The following PAX5 variants were observed in gnomAD, a reference collection of about 807,000 sequenced individuals.
PAX5 encodes paired box protein Pax-5.
Under a neutral mutation model 43.7 loss-of-function variants are expected in PAX5, and 9 were observed. That is an observed-to-expected ratio of 0.21 (90% CI 0.12 to 0.36). The LOEUF (loss-of-function observed/expected upper bound fraction) is 0.36. Among genes scored for constraint, PAX5 ranks in the 10% least tolerant of loss-of-function variants. The pLI is 1.00. For missense variants in PAX5, 383 were observed against 532.7 expected (o/e 0.72, Z 2.77); for synonymous variants, 228 against 214.3 (o/e 1.06, Z -0.56).
Position 36,929,206 on chromosome 9 carries a change from TGGAA to T in PAX5, c.781-5726_781-5723del, listed in dbSNP as rs921538365. Among the ~76,000 whole-genome samples the T allele has an allele frequency of 8.4e-5, 10 of 119,224 alleles. No individual in the cohort carries two copies. The South Asian group carries it at 1.3e-3, about 15-fold the overall frequency. 78.2% of individuals were successfully genotyped at this position (119,224 alleles called of 152,430 possible). A position where few individuals can be genotyped will look rare whatever the true frequency, so the allele number is the denominator to read the frequency against. ...AGGTGAACTGACAGAAAAAGAAAGA[TGGAA>T]GGAAGGAAGGAAGAAGGAAGGAAGG... is the stretch of plus-strand genomic sequence containing the variant. On this transcript the variant is annotated intron_variant, in intron 6 of 9. Transcript: ENST00000358127.
intron 5 of PAX5, among the ~76,000 whole-genome samples, chr9:36,981,441 A>AAC (rs1050248817): frequency 6.6e-6 from 1 of 150,650 alleles, no homozygotes; most frequent in African/African-American, 2.4e-5. Context: ...TGGCAAAAAA[A>AAC]AAAAAACAAA....
intron 9 of PAX5, among the ~76,000 whole-genome samples, chr9:36,846,101 T>C (rs1379845476): frequency 6.6e-6 from 1 of 152,186 alleles, no homozygotes; most frequent in Admixed American, 6.5e-5. Context: ...AACCTTTAGC[T>C]CCAACTGGCA....
intron 8 of PAX5, chr9:36,860,969 C>G (rs1320747029): frequency 6.6e-6 from 1 of 152,236 alleles, no homozygotes; most frequent in Admixed American, 6.5e-5. Flanking sequence ...TCATATGTAT[C>G]CCCTGTGACC....
chr9:37,031,181 G>A (rs1840944637), intron 1 of PAX5, among the ~76,000 whole-genome samples: 1 of 152,168 alleles, frequency 6.6e-6, no homozygotes, highest in South Asian at 2.1e-4. Flanking sequence ...CAAGAATCAT[G>A]TAAAATCACC....
intron 8 of PAX5, among the ~76,000 whole-genome samples, chr9:36,859,526 A>G (rs1823993012): frequency 6.6e-6 from 1 of 151,848 alleles, no homozygotes; most frequent in Non-Finnish European, 1.5e-5. Context: ...TCTGCACCCG[A>G]CATTCATTCC....
intron 5 of PAX5, among the ~76,000 whole-genome samples, chr9:36,976,763 G>A (rs986300347): frequency 1.3e-5 from 2 of 152,232 alleles, no homozygotes; most frequent in African/African-American, 4.8e-5. Flanking sequence ...GAGTGAATCC[G>A]ATTGTGCCGG....
In PAX5 at chr9:36,882,837, C is replaced by T. The variant is rs1826565976; in HGVS notation, c.911-732G>A. On this transcript the variant is annotated intron_variant, in intron 7 of 9. Transcript: ENST00000358127. The surrounding 1 kb of genome is among the most constrained non-coding windows in gnomAD (Gnocchi z 4.4). ...TGTCCAGCTCTTTCAGGCTGCTGTGCTTCTGACCATGAGTCCAGAGTGTCC... is the reference window on the plus strand; with the variant it reads ...TGTCCAGCTCTTTCAGGCTGCTGTGTTTCTGACCATGAGTCCAGAGTGTCC... Among the ~76,000 whole-genome samples the T allele has an allele frequency of 6.6e-6, 1 of 152,248 alleles. No homozygotes were observed. Among genetic ancestry groups the T allele is most frequent in the African/African-American group, 2.4e-5 (1 of 41,460 alleles).
chr9:36,948,569 T>C (rs1832743390), intron 6 of PAX5, among the ~76,000 whole-genome samples: 1 of 152,214 alleles, frequency 6.6e-6, no homozygotes, highest in Non-Finnish European at 1.5e-5. Flanking sequence ...CTAAAAGTGA[T>C]ACAAATTGTT....
At chr9:36,880,414 C>T (rs955486857) in intron 8 of PAX5, among the ~76,000 whole-genome samples, 13 of 152,340 alleles carry the variant, frequency 8.5e-5, no homozygotes, top group African/African-American at 3.1e-4. Flanking sequence ...GGTGGGACTC[C>T]AGCATGAGCT....
Position 37,015,872 on chromosome 9 carries a change from G to A in PAX5, c.213-678C>T, listed in dbSNP as rs188983543. Among the ~76,000 whole-genome samples the A allele has an allele frequency of 1.9e-3, 289 of 152,302 alleles. 1 individual carries two copies. The highest frequency in any genetic ancestry group is 2.8e-3 in the Non-Finnish European group (190 of 68,016). On this transcript the variant is annotated intron_variant, in intron 2 of 9. Coordinates refer to ENST00000358127, the MANE Select transcript of PAX5 (RefSeq NM_016734.3). This position sits in a 1 kb window ranked among gnomAD's most constrained non-coding sequence, Gnocchi z 4.4. ...TGGGATTACAGGCATGAGCCACCAC[G>A]CCCGGCCAGTCTCTCATTGTATTTC... is the stretch of plus-strand genomic sequence containing the variant.
At chr9:36,894,401 T>C (rs1827676175) in intron 7 of PAX5, among the ~76,000 whole-genome samples, 2 of 152,138 alleles carry the variant, frequency 1.3e-5, no homozygotes, top group African/African-American at 4.8e-5. Context: ...AATAAATACA[T>C]GAAAGCACAG....
chr9:36,901,667 C>A (rs112410051), intron 7 of PAX5, among the ~76,000 whole-genome samples: 3 of 152,108 alleles, frequency 2.0e-5, no homozygotes. Flanking sequence ...TGGAGCCCAG[C>A]GCTGTCCGAC....
At chr9:37,013,155 AG>A in intron 3 of PAX5, among the ~76,000 whole-genome samples, 1 of 152,202 alleles carries the variant, frequency 6.6e-6, no homozygotes, top group African/African-American at 2.4e-5. Context: ...CATCTACACA[AG>A]CCCCAGCTTC....
chr9:36,964,427 T>C (rs1423689252), intron 6 of PAX5, among the ~76,000 whole-genome samples: 4 of 151,122 alleles, frequency 2.6e-5, no homozygotes, highest in Non-Finnish European at 5.9e-5. Flanking sequence ...CCATCTCTAC[T>C]AAAAATACAA....
chr9:37,000,481 A>G (rs1044950989), intron 5 of PAX5, among the ~76,000 whole-genome samples: 6 of 152,230 alleles, frequency 3.9e-5, no homozygotes, highest in Admixed American at 3.9e-4. Context: ...GGCCAGGAAC[A>G]GTGGCTCATG....
intron 5 of PAX5, among the ~76,000 whole-genome samples, chr9:37,002,158 A>G (rs1388458698): frequency 6.6e-6 from 1 of 152,088 alleles, no homozygotes; most frequent in African/African-American, 2.4e-5. Flanking sequence ...ATCAGGGCTG[A>G]AGGCCTTCTC....
intron 8 of PAX5, among the ~76,000 whole-genome samples, chr9:36,877,704 A>C (rs1221035399): frequency 1.3e-5 from 2 of 152,212 alleles, no homozygotes; most frequent in Non-Finnish European, 2.9e-5. Context: ...GCATCTGAAC[A>C]AACACTGAGT....
At chr9:36,980,580 C>A (rs1835826760) in intron 5 of PAX5, among the ~76,000 whole-genome samples, 1 of 152,024 alleles carries the variant, frequency 6.6e-6, no homozygotes. Context: ...CTGATGATAT[C>A]AATACATTCA....
chr9:36,888,329 G>A (rs73648164), intron 7 of PAX5, among the ~76,000 whole-genome samples: 3,323 of 152,286 alleles, frequency 0.022, 61 homozygotes, highest in East Asian at 0.08. Flanking sequence ...GTTGGTGGCA[G>A]CATTATTCAT....
Sources: gnomAD v4.1 joint callset for allele counts (sites outside exome capture counted in the v4.1 genomes callset) on GRCh38, gnomAD v4.1.1 for gene constraint, Gnocchi (gnomAD v3.1) non-coding constraint, MANE v1.5 for transcripts, NCBI Gene and HGNC (gene_info 2026-07-23, HGNC 2026-07-21) for gene names.